SWAP70: variants seen among roughly 807,000 people sequenced by gnomAD.
SWAP70 encodes the protein switching B cell complex subunit SWAP70.
Under a neutral mutation model 80.2 loss-of-function variants are expected in SWAP70, and 34 were observed. That is an observed-to-expected ratio of 0.42 (90% CI 0.32 to 0.56). SWAP70 has a LOEUF of 0.56. Ranked by LOEUF, SWAP70 falls within the 20% of genes least tolerant of loss-of-function variation. The pLI, the probability that SWAP70 is intolerant of heterozygous loss-of-function variation, is 0.09. For synonymous variants in SWAP70, 239 were observed against 238.5 expected, an observed-to-expected ratio of 1.00 and a Z score of -0.02; for missense variants, 578 against 690.7, an observed-to-expected ratio of 0.84 and a Z score of 1.83.
intron 1 of SWAP70, 24 bp downstream of exon 1, chr11:9,664,302 C>T (rs1476939315): frequency 6.5e-7 from 1 of 1,545,870 alleles, no homozygotes; most frequent in Non-Finnish European, 8.7e-7. Context: ...GACCCGGCCC[C>T]CCACCCGACC....
At chr11:9,672,341 A>G (rs1275711632) in intron 1 of SWAP70, among the ~76,000 whole-genome samples, 2 of 149,038 alleles carry the variant, frequency 1.3e-5, no homozygotes, top group Non-Finnish European at 3.0e-5. Flanking sequence ...TTTGGAATAA[A>G]TGTATTTTTT....
intron 2 of SWAP70, among the ~76,000 whole-genome samples, chr11:9,703,876 A>G (rs1850865316): frequency 6.6e-6 from 1 of 152,198 alleles, no homozygotes; most frequent in South Asian, 2.1e-4. Flanking sequence ...TTGTAATAAA[A>G]TATAGAACTG....
At chr11:9,673,802 C>A (rs929371172) in intron 1 of SWAP70, among the ~76,000 whole-genome samples, 7 of 152,074 alleles carry the variant, frequency 4.6e-5, no homozygotes, top group African/African-American at 1.7e-4. Flanking sequence ...GTTTCTACGG[C>A]CTGCCTTGGG....
At chr11:9,704,543 A>C (rs900304256) in intron 2 of SWAP70, among the ~76,000 whole-genome samples, 65 of 151,970 alleles carry the variant, frequency 4.3e-4, no homozygotes, top group Non-Finnish European at 8.8e-5. Flanking sequence ...TACAGGTGCG[A>C]GCCACCACGC....
chr11:9,677,158 T>C (rs1406691286), intron 1 of SWAP70, among the ~76,000 whole-genome samples: 1 of 152,070 alleles, frequency 6.6e-6, no homozygotes, highest in Non-Finnish European at 1.5e-5. Flanking sequence ...TAAATTATGG[T>C]ATAAATTTGC....
At chr11:9,685,247 G>T (rs1474179956) in intron 1 of SWAP70, among the ~76,000 whole-genome samples, 2 of 152,058 alleles carry the variant, frequency 1.3e-5, no homozygotes, top group Non-Finnish European at 2.9e-5. Context: ...TTTGTGGGTG[G>T]CTCAGAGGAG....
At chr11:9,735,877 T>C (rs886694463) in intron 7 of SWAP70, among the ~76,000 whole-genome samples, 1 of 152,000 alleles carries the variant, frequency 6.6e-6, no homozygotes, top group African/African-American at 2.4e-5. Flanking sequence ...TTATCCTGTT[T>C]AGAGTGTATT....
intron 4 of SWAP70, among the ~76,000 whole-genome samples, chr11:9,725,891 T>C (rs1031500978): frequency 4.0e-5 from 3 of 74,788 alleles, no homozygotes; most frequent in Non-Finnish European, 9.6e-5. Context: ...TATTTTATTT[T>C]GGAAATTCAT....
At chr11:9,702,983 A>T (rs550478413) in intron 2 of SWAP70, among the ~76,000 whole-genome samples, 2 of 152,184 alleles carry the variant, frequency 1.3e-5, no homozygotes, top group Admixed American at 6.5e-5. Flanking sequence ...TGTACCATTT[A>T]GTGGTTTTTT....
intron 2 of SWAP70, among the ~76,000 whole-genome samples, chr11:9,695,730 C>T (rs927035057): frequency 4.0e-5 from 6 of 151,768 alleles, no homozygotes; most frequent in South Asian, 4.2e-4. Context: ...CACAGGTATC[C>T]GTTTTTTTTT....
In SWAP70 at chr11:9,664,143, G is replaced by A. The variant is rs1301917717; in HGVS notation, c.-37G>A. On this transcript the variant is annotated 5_prime_UTR_variant, in exon 1 of 12. Transcript: ENST00000318950. ...CGTCCGAGGCGCGGAGGGGCTGGCT[G>A]GGCAGGAGGGGTTGGCGGGGCAGCA... is the stretch of plus-strand genomic sequence containing the variant. The A allele has an allele frequency of 4.5e-6, 7 of 1,540,516 alleles. No individual in the cohort carries two copies. The highest frequency in any genetic ancestry group is 1.4e-5 in the African/African-American group (1 of 71,904).
intron 3 of SWAP70, among the ~76,000 whole-genome samples, chr11:9,723,410 A>G (rs1851165087): frequency 1.3e-5 from 2 of 152,292 alleles, no homozygotes; most frequent in Middle Eastern, 6.8e-3. Context: ...TTAAAAAAAA[A>G]TGCTGGTTGC....
chr11:9,719,853 A>G (rs1411503035), intron 3 of SWAP70, among the ~76,000 whole-genome samples: 1 of 152,206 alleles, frequency 6.6e-6, no homozygotes, highest in Non-Finnish European at 1.5e-5. Context: ...TTGAACCTGA[A>G]ATAGTTTTAA....
intron 2 of SWAP70, among the ~76,000 whole-genome samples, chr11:9,706,968 T>C (rs1334266304): frequency 1.3e-5 from 2 of 152,160 alleles, no homozygotes; most frequent in Admixed American, 6.5e-5. Flanking sequence ...GCAAGATTCT[T>C]TCACATATAT....
intron 1 of SWAP70, among the ~76,000 whole-genome samples, chr11:9,683,476 G>A (rs984697817): frequency 6.6e-6 from 1 of 152,016 alleles, no homozygotes; most frequent in African/African-American, 2.4e-5. Context: ...GACCAAAAAC[G>A]TCTAAGAGGA....
At chr11:9,749,375 T>C (rs1412726319) in intron 11 of SWAP70, among the ~76,000 whole-genome samples, 192 bp downstream of exon 11, 1 of 152,096 alleles carries the variant, frequency 6.6e-6, no homozygotes, top group Non-Finnish European at 1.5e-5. Context: ...ACCTCCCAAG[T>C]AGCTGGGACT....
chr11:9,727,265 G>A (rs918418459), intron 4 of SWAP70, among the ~76,000 whole-genome samples: 3 of 152,136 alleles, frequency 2.0e-5, no homozygotes, highest in Non-Finnish European at 2.9e-5. Flanking sequence ...GCATGCGCTT[G>A]TAGTCCCAGC....
intron 1 of SWAP70, among the ~76,000 whole-genome samples, chr11:9,667,053 C>T (rs538901825): frequency 2.7e-4 from 41 of 152,006 alleles, no homozygotes; most frequent in African/African-American, 8.9e-4. Flanking sequence ...TTAGTAGAGA[C>T]GGGGTTTCAT....
Position 9,693,931 on chromosome 11 carries a change from A to G in SWAP70, c.100-215A>G, listed in dbSNP as rs116777816. On this transcript the variant is annotated intron_variant, in intron 1 of 11. Transcript: ENST00000318950. Reference sequence around the variant, plus strand: ...GCCTGGCTCATAGTAGGCATGTAATAGAGACTAGTTCTAAGTGAACCAAAC... The same window carrying G: ...GCCTGGCTCATAGTAGGCATGTAATGGAGACTAGTTCTAAGTGAACCAAAC... Among the ~76,000 whole-genome samples the G allele has an allele frequency of 3.1e-3, 468 of 152,294 alleles. 2 individuals carry two copies. The highest frequency in any genetic ancestry group is 0.011 in the African/African-American group (443 of 41,570).
Sources: allele counts gnomAD v4.1 joint callset (sites outside exome capture counted in the v4.1 genomes callset), GRCh38; gene constraint gnomAD v4.1.1; transcripts MANE v1.5; gene names NCBI Gene and HGNC (gene_info 2026-07-23, HGNC 2026-07-21).